Variants in ERC1 observed in about 807,000 individuals in gnomAD.
ERC1 encodes the protein ELKS/RAB6-interacting/CAST family member 1.
A neutral mutation model predicts 132.0 loss-of-function variants in ERC1; 56 were observed. The ratio of observed to expected loss-of-function variants is 0.42; its 90% CI spans 0.34 to 0.53. ERC1 has a LOEUF of 0.53. ERC1 is among the 20% of genes least tolerant of loss of function. ERC1 has a pLI of 0.03. For missense variants in ERC1, 1,202 were observed against 1,349.9 expected, an observed-to-expected ratio of 0.89 and a Z score of 1.72; for synonymous variants, 478 against 476.1, an observed-to-expected ratio of 1.00 and a Z score of -0.05.
At chr12:1,223,554 T>C (rs2074332163) in intron 12 of ERC1, among the ~76,000 whole-genome samples, 1 of 152,222 alleles carries the variant, frequency 6.6e-6, no homozygotes, top group South Asian at 2.1e-4. Flanking sequence ...GATAGCAAGA[T>C]GGTGGACCAC....
intron 16 of ERC1, chr12:1,390,820 G>A (rs2089899241): frequency 1.3e-5 from 2 of 152,030 alleles, no homozygotes; most frequent in African/African-American, 4.8e-5. Flanking sequence ...ATTAAGTTGA[G>A]GTCACTTCCA....
chr12:1,211,901 G>A (rs1957915641), intron 12 of ERC1, among the ~76,000 whole-genome samples: 1 of 152,072 alleles, frequency 6.6e-6, no homozygotes, highest in African/African-American at 2.4e-5. Context: ...GTTGTGAGAG[G>A]AAAATTCACC....
chr12:1,349,863 C>T (rs1383163700), intron 15 of ERC1, among the ~76,000 whole-genome samples: 4 of 152,138 alleles, frequency 2.6e-5, no homozygotes, highest in Non-Finnish European at 4.4e-5. Flanking sequence ...AAGAGTATGG[C>T]ACTCTTGCCA....
At chr12:1,434,950 G>T (rs2092910139) in intron 17 of ERC1, among the ~76,000 whole-genome samples, 1 of 152,200 alleles carries the variant, frequency 6.6e-6, no homozygotes, top group Non-Finnish European at 1.5e-5. Context: ...CGTTTCGAGA[G>T]AGAGAGAATA....
At chr12:1,187,570 T>C (rs1955241033) in intron 11 of ERC1, among the ~76,000 whole-genome samples, 1 of 152,104 alleles carries the variant, frequency 6.6e-6, no homozygotes, top group Non-Finnish European at 1.5e-5. Flanking sequence ...CCTGGCCTCA[T>C]TTGATATTCT....
At chr12:1,376,050 G>C (rs4631941) in intron 16 of ERC1, among the ~76,000 whole-genome samples, 61,651 of 151,858 alleles carry the variant, frequency 0.41, 13,761 homozygotes, top group African/African-American at 0.59. Context: ...TCTACTTCTT[G>C]GTTGTCTCTA....
At position 1,462,351 on chromosome 12, in the gene ERC1, A is replaced by G. The variant is rs140595460; in HGVS notation, c.3213+17601A>G. On this transcript the variant is annotated intron_variant, in intron 18 of 18. Coordinates refer to ENST00000360905, the MANE Select transcript of ERC1 (RefSeq NM_178040.4). The stretch of plus-strand genomic sequence containing the variant: ...ATTCTTACTCAAAAGAAATGAAAGC[A>G]TATGTCCACAAAAAGACTTGTACAA... 4.8e-3 allele frequency among the ~76,000 whole-genome samples: 729 copies of G among 152,360 alleles called. 8 individuals are homozygous for G. Among genetic ancestry groups the G allele is most frequent in the Middle Eastern group, 0.01 (3 of 294 alleles).
At chr12:1,243,475 G>C (rs949423976) in intron 13 of ERC1, among the ~76,000 whole-genome samples, 6 of 151,968 alleles carry the variant, frequency 3.9e-5, no homozygotes, top group African/African-American at 1.2e-4. Flanking sequence ...AAACGTGAGA[G>C]ATACTGAGGT....
chr12:1,224,378 T>G (rs1303538114), intron 12 of ERC1, among the ~76,000 whole-genome samples: 2 of 152,160 alleles, frequency 1.3e-5, no homozygotes, highest in East Asian at 1.9e-4. Flanking sequence ...ATAAAACCAT[T>G]TTATCTTGAT....
At chr12:1,229,428 A>G (rs1232168095) in intron 12 of ERC1, among the ~76,000 whole-genome samples, 2 of 152,136 alleles carry the variant, frequency 1.3e-5, no homozygotes, top group South Asian at 2.1e-4. Flanking sequence ...TTGACCCCAG[A>G]ATTTTGATGA....
At chr12:1,392,038 T>A (rs1049077395) in intron 16 of ERC1, among the ~76,000 whole-genome samples, 2 of 152,176 alleles carry the variant, frequency 1.3e-5, no homozygotes, top group African/African-American at 2.4e-5. Flanking sequence ...TCCTGATACT[T>A]CTTAAAGACA....
chr12:990,034 T>C (rs1959165658), upstream of ERC1: 2 of 152,156 alleles, frequency 1.3e-5, no homozygotes, highest in Non-Finnish European at 2.9e-5. Context: ...TCCAAGTGCA[T>C]GTCGATCCTG....
At chr12:1,050,387 G>T (rs1465880257) in intron 2 of ERC1, among the ~76,000 whole-genome samples, 5 of 152,104 alleles carry the variant, frequency 3.3e-5, no homozygotes, top group Non-Finnish European at 5.9e-5. Context: ...AGTGGCAGAA[G>T]GCTCAATTTT....
intron 17 of ERC1, among the ~76,000 whole-genome samples, chr12:1,422,916 G>C (rs1591955431): frequency 6.6e-6 from 1 of 152,174 alleles, no homozygotes; most frequent in South Asian, 2.1e-4. Context: ...GTGTGTGATG[G>C]TATCTCATGG....
At chr12:1,154,298 C>T (rs573888151) in intron 8 of ERC1, among the ~76,000 whole-genome samples, 63 of 144,238 alleles carry the variant, frequency 4.4e-4, no homozygotes, top group Admixed American at 6.4e-4. Context: ...TACACACACA[C>T]GTGCATATAT....
chr12:1,395,407 G>GTTT (rs57837323), intron 16 of ERC1, among the ~76,000 whole-genome samples: 6,272 of 141,684 alleles, frequency 0.044, 139 homozygotes, highest in Middle Eastern at 0.078. Flanking sequence ...AAATTTTGTA[G>GTTT]TTTTTTTTTT....
intron 16 of ERC1, among the ~76,000 whole-genome samples, chr12:1,401,004 G>C (rs369889198): frequency 2.6e-4 from 34 of 128,724 alleles, no homozygotes; most frequent in East Asian, 1.5e-3. Flanking sequence ...GGCGTGATCT[G>C]GGCTCACTGC....
chr12:1,304,834 G>T (rs2154346844), intron 15 of ERC1, among the ~76,000 whole-genome samples: 1 of 129,762 alleles, frequency 7.7e-6, no homozygotes. Flanking sequence ...CTGCTGCCCG[G>T]GCTGGAGTAC....
At chr12:1,006,456 T>C (rs542876224) in intron 1 of ERC1, among the ~76,000 whole-genome samples, 2 of 152,274 alleles carry the variant, frequency 1.3e-5, no homozygotes, top group East Asian at 1.9e-4. Context: ...CAATTTCAGC[T>C]CACTGTAGTC....
Sources: allele counts gnomAD v4.1 joint callset (sites outside exome capture counted in the v4.1 genomes callset), GRCh38; gene constraint gnomAD v4.1.1; transcripts MANE v1.5; gene names NCBI Gene and HGNC (gene_info 2026-07-23, HGNC 2026-07-21).